Variants in MYO1E observed in about 807,000 individuals in gnomAD.
MYO1E encodes myosin IE.
MYO1E carries 68 observed loss-of-function variants against 151.1 expected under a neutral mutation model. The observed-to-expected ratio is 0.45, with a 90% CI of 0.37 to 0.55. The LOEUF (loss-of-function observed/expected upper bound fraction) is 0.55, where lower values mean the gene tolerates loss of function less well. MYO1E is among the 20% of genes least tolerant of loss of function. The pLI is 0.00. For synonymous variants in MYO1E, 601 were observed against 501.7 expected (o/e 1.20, Z -2.64); for missense variants, 1,363 against 1,389.3 (o/e 0.98, Z 0.30).
intron 1 of MYO1E, among the ~76,000 whole-genome samples, chr15:59,282,554 TC>T (rs1220644256): frequency 6.6e-6 from 1 of 151,748 alleles, no homozygotes; most frequent in African/African-American, 2.4e-5. Context: ...TCACCAAAAG[TC>T]CCTTTGAAGA....
chr15:59,353,000 G>C (rs1362206953), intron 1 of MYO1E, among the ~76,000 whole-genome samples: 2 of 152,062 alleles, frequency 1.3e-5, no homozygotes, highest in Non-Finnish European at 2.9e-5. Flanking sequence ...CCAAACTCCG[G>C]TTTGCAGGGA....
intron 26 of MYO1E, among the ~76,000 whole-genome samples, chr15:59,140,360 A>T (rs1464203675): frequency 6.6e-6 from 1 of 152,256 alleles, no homozygotes; most frequent in Non-Finnish European, 1.5e-5. Context: ...CATTTATTAA[A>T]TATGTTCATA....
At chr15:59,274,868 T>A (rs1453573516) in intron 1 of MYO1E, among the ~76,000 whole-genome samples, 1 of 152,186 alleles carries the variant, frequency 6.6e-6, no homozygotes, top group Non-Finnish European at 1.5e-5. Flanking sequence ...TAGTTCCAAG[T>A]ATCACTCGAT....
chr15:59,152,552 T>A (rs1290793892), intron 26 of MYO1E, among the ~76,000 whole-genome samples: 4 of 152,216 alleles, frequency 2.6e-5, no homozygotes, highest in Non-Finnish European at 4.4e-5. Context: ...GGGGTCCTTA[T>A]GATCATCACC....
chr15:59,300,879 T>C (rs1243795629), intron 1 of MYO1E, among the ~76,000 whole-genome samples: 1 of 148,582 alleles, frequency 6.7e-6, no homozygotes, highest in Non-Finnish European at 1.5e-5. Flanking sequence ...TTTTTTTTTT[T>C]TTTTTTGAGA....
intron 14 of MYO1E, chr15:59,208,086 A>C (rs1267578245): frequency 1.3e-6 from 2 of 1,559,714 alleles, no homozygotes; most frequent in Non-Finnish European, 1.7e-6. Flanking sequence ...TTAAGCTTTA[A>C]AGTTGCCTAA....
In MYO1E at chr15:59,351,360, T is replaced by C. The variant is rs1183843437; in HGVS notation, c.3+21138A>G. 2.0e-5 allele frequency among the ~76,000 whole-genome samples: 3 copies of C among 152,222 alleles called. No homozygotes were observed. The East Asian group carries it at 5.8e-4, about 29-fold the overall frequency. The stretch of plus-strand genomic sequence containing the variant: ...CAATCAATATTTAGTGAAAATCCAC[T>C]GTGTACAAGCACTGTGCTAGGAGCT... On this transcript the variant is annotated intron_variant, in intron 1 of 27. Coordinates refer to ENST00000288235, the MANE Select transcript of MYO1E (RefSeq NM_004998.4).
intron 17 of MYO1E, among the ~76,000 whole-genome samples, chr15:59,193,341 A>T (rs761168527): frequency 6.6e-6 from 1 of 152,210 alleles, no homozygotes; most frequent in Non-Finnish European, 1.5e-5. Flanking sequence ...TCACTCTAAC[A>T]GCTGGGCTGG....
chr15:59,210,869 C>G (rs150326191), intron 12 of MYO1E, among the ~76,000 whole-genome samples: 54 of 151,436 alleles, frequency 3.6e-4, no homozygotes, highest in Middle Eastern at 3.4e-3. Flanking sequence ...TAGCACCGAA[C>G]TGATAAATCC....
intron 1 of MYO1E, 50 bp downstream of exon 1, chr15:59,372,448 C>A (rs11854570): frequency 6.5e-7 from 1 of 1,536,392 alleles, no homozygotes. Context: ...CCGGGGTTTC[C>A]TGCCCCGTCC....
intron 15 of MYO1E, among the ~76,000 whole-genome samples, chr15:59,203,777 G>C (rs1323624102): frequency 6.6e-6 from 1 of 152,204 alleles, no homozygotes; most frequent in Non-Finnish European, 1.5e-5. Flanking sequence ...TAGTGTCCCT[G>C]GTGTCTGAAG....
rs370546451 is a variant in MYO1E at position 59,354,295 on chromosome 15, G to T, written c.3+18203C>A. On this transcript the variant is annotated intron_variant, in intron 1 of 27. Coordinates refer to ENST00000288235, the MANE Select transcript of MYO1E (RefSeq NM_004998.4). ...TTCCTCTAGCACAGGTGGATGGCAC[G>T]TTGGCTTAAGGAAAAACAAAGGCAG... 2.0e-5 allele frequency among the ~76,000 whole-genome samples: 3 copies of T among 152,180 alleles called. No individual in the cohort carries two copies. In the East Asian group the frequency reaches 5.8e-4, roughly 29 times the overall value.
intron 1 of MYO1E, among the ~76,000 whole-genome samples, chr15:59,353,369 A>AGAAAAGAAAAGAAAAG (rs1555422216): frequency 3.1e-5 from 3 of 96,850 alleles, no homozygotes; most frequent in African/African-American, 1.3e-4. Flanking sequence ...AAAAAAAAAA[A>AGAAAAGAAAAGAAAAG]AAAAGAAAAG....
At chr15:59,254,733 A>G (rs2080184270) in intron 4 of MYO1E, among the ~76,000 whole-genome samples, 1 of 152,192 alleles carries the variant, frequency 6.6e-6, no homozygotes, top group South Asian at 2.1e-4. Flanking sequence ...GAACACAAAT[A>G]CGTATGATAA....
Position 59,136,824 on chromosome 15 carries a change from C to T in MYO1E, c.*556G>A, listed in dbSNP as rs1190805353. 1 of 454,430 alleles carries T rather than the reference C, an allele frequency of 2.2e-6. No individual in the cohort carries two copies. Among genetic ancestry groups the T allele is most frequent in the Non-Finnish European group, 4.4e-6 (1 of 225,664 alleles). The allele number at this position is 454,430 out of a possible 1,614,324, so 28.1% of individuals were successfully genotyped here. The stretch of plus-strand genomic sequence containing the variant: ...CCCGGCAAAGTGTAAACCAGTGCCC[C>T]TCTGTCGCCCTGGGCTCAGCAGGCC... On this transcript the variant is annotated 3_prime_UTR_variant, in exon 28 of 28. Coordinates refer to ENST00000288235, the MANE Select transcript of MYO1E (RefSeq NM_004998.4).
At chr15:59,193,292 T>C (rs1244553980) in intron 17 of MYO1E, among the ~76,000 whole-genome samples, 1 of 152,220 alleles carries the variant, frequency 6.6e-6, no homozygotes, top group Non-Finnish European at 1.5e-5. Context: ...CAAAACAAGA[T>C]GTTTTCTGTA....
At chr15:59,192,744 T>A (rs1156705780) in intron 17 of MYO1E, among the ~76,000 whole-genome samples, 1 of 152,204 alleles carries the variant, frequency 6.6e-6, no homozygotes, top group East Asian at 1.9e-4. Context: ...CTTCCAAGAC[T>A]CTCATGGTTT....
chr15:59,215,264 T>G (rs2079906194), intron 10 of MYO1E, among the ~76,000 whole-genome samples: 2 of 152,158 alleles, frequency 1.3e-5, no homozygotes, highest in South Asian at 4.1e-4. Context: ...GCAGCTTACG[T>G]CTATTAAACA....
At chr15:59,158,415 CTGGT>C in intron 24 of MYO1E, 36 bp from the exon 25 acceptor site, 7 of 1,509,782 alleles carry the variant, frequency 4.6e-6, no homozygotes, top group Non-Finnish European at 6.3e-6. Flanking sequence ...ACCAGTGCTA[CTGGT>C]TGGTTTTATG....
Sources: allele counts gnomAD v4.1 joint callset (sites outside exome capture counted in the v4.1 genomes callset), GRCh38; gene constraint gnomAD v4.1.1; transcripts MANE v1.5; gene names NCBI Gene and HGNC (gene_info 2026-07-23, HGNC 2026-07-21).